HS6ST3: variants seen among roughly 807,000 people sequenced by gnomAD.
HS6ST3 encodes the protein heparan-sulfate 6-O-sulfotransferase 3.
Under a neutral mutation model 36.7 loss-of-function variants are expected in HS6ST3, and 12 were observed. The observed-to-expected ratio is 0.33, with a 90% CI of 0.21 to 0.53. The LOEUF (loss-of-function observed/expected upper bound fraction) is 0.53. Among genes scored for constraint, HS6ST3 ranks in the 20% least tolerant of loss-of-function variants. HS6ST3 has a pLI of 0.95. For missense variants in HS6ST3, 584 were observed against 640.9 expected, an observed-to-expected ratio of 0.91 and a Z score of 0.96; for synonymous variants, 240 against 257.5, an observed-to-expected ratio of 0.93 and a Z score of 0.65.
At chr13:96,508,234 G>C (rs1315095835) in intron 1 of HS6ST3, among the ~76,000 whole-genome samples, 1 of 151,904 alleles carries the variant, frequency 6.6e-6, no homozygotes, top group Non-Finnish European at 1.5e-5. Context: ...TAAATTAATA[G>C]ACTGCTGAAC....
intron 1 of HS6ST3, among the ~76,000 whole-genome samples, chr13:96,829,963 G>T (rs1398471465): frequency 2.6e-5 from 4 of 151,980 alleles, no homozygotes; most frequent in African/African-American, 7.3e-5. Flanking sequence ...ATTTATGAGG[G>T]CTTGGCTTGC....
rs116004504 is a variant in HS6ST3 at position 96,480,721 on chromosome 13, C to T, written c.708-351769C>T. Reference sequence around the variant, plus strand: ...ATCCCCACTTCTGTCTACCTTCTGCCGTCTTAGTGTTATGTTTCCCTTTAA... The same window carrying T: ...ATCCCCACTTCTGTCTACCTTCTGCTGTCTTAGTGTTATGTTTCCCTTTAA... On this transcript the variant is annotated intron_variant, in intron 1 of 1. Transcript: ENST00000376705. Among the ~76,000 whole-genome samples the T allele has an allele frequency of 6.1e-3, 934 of 152,186 alleles. 13 individuals are homozygous for T. The highest frequency in any genetic ancestry group is 0.021 in the African/African-American group (872 of 41,516).
intron 1 of HS6ST3, among the ~76,000 whole-genome samples, chr13:96,731,272 C>T (rs939283968): frequency 3.3e-5 from 5 of 152,134 alleles, no homozygotes; most frequent in African/African-American, 4.8e-5. Context: ...CTCGGGTAAC[C>T]ACCATTCAAC....
chr13:96,695,329 T>G (rs1235081295), intron 1 of HS6ST3, among the ~76,000 whole-genome samples: 1 of 152,238 alleles, frequency 6.6e-6, no homozygotes, highest in East Asian at 1.9e-4. Context: ...ATTGCCCTTC[T>G]GAATGTCTGA....
chr13:96,409,254 C>G (rs1271359636), intron 1 of HS6ST3, among the ~76,000 whole-genome samples: 5 of 152,214 alleles, frequency 3.3e-5, no homozygotes, highest in Non-Finnish European at 5.9e-5. Context: ...AAAATAGTAG[C>G]ATGCTACTCC....
At chr13:96,807,709 A>G (rs962412296) in intron 1 of HS6ST3, among the ~76,000 whole-genome samples, 1 of 152,124 alleles carries the variant, frequency 6.6e-6, no homozygotes, top group Admixed American at 6.5e-5. Flanking sequence ...AATGAAAAAT[A>G]CAAAAAATTA....
At chr13:96,439,627 A>G (rs770723503) in intron 1 of HS6ST3, among the ~76,000 whole-genome samples, 2 of 152,176 alleles carry the variant, frequency 1.3e-5, no homozygotes, top group Non-Finnish European at 2.9e-5. Context: ...TAAACTGTGA[A>G]TAATAAGAAT....
intron 1 of HS6ST3, among the ~76,000 whole-genome samples, chr13:96,653,957 AGTGATG>A (rs2056615976): frequency 6.6e-6 from 1 of 152,228 alleles, no homozygotes; most frequent in Non-Finnish European, 1.5e-5. Flanking sequence ...TCTAATGACC[AGTGATG>A]GTGAGCATTT....
intron 1 of HS6ST3, among the ~76,000 whole-genome samples, chr13:96,804,686 A>T (rs1347701466): frequency 2.0e-5 from 3 of 152,136 alleles, no homozygotes; most frequent in Admixed American, 2.0e-4. Flanking sequence ...TTCTGTGCCA[A>T]ATCAGAAGGA....
chr13:96,698,071 T>C (rs969931122), intron 1 of HS6ST3, among the ~76,000 whole-genome samples: 1 of 152,150 alleles, frequency 6.6e-6, no homozygotes, highest in Non-Finnish European at 1.5e-5. Context: ...AGTTTTTAAG[T>C]TTTAGGGTAC....
intron 1 of HS6ST3, among the ~76,000 whole-genome samples, chr13:96,416,781 CT>C (rs1197994188): frequency 7.2e-6 from 1 of 139,656 alleles, no homozygotes; most frequent in East Asian, 2.1e-4. Flanking sequence ...GAGACGGAGT[CT>C]CGCTCTGTTG....
chr13:96,814,461 TG>T (rs939732737), intron 1 of HS6ST3, among the ~76,000 whole-genome samples: 1 of 152,182 alleles, frequency 6.6e-6, no homozygotes, highest in African/African-American at 2.4e-5. Flanking sequence ...TGGAAGCATT[TG>T]GATCTTGTCT....
chr13:96,162,313 TGTGA>T (rs2054139451), intron 1 of HS6ST3, among the ~76,000 whole-genome samples: 1 of 152,222 alleles, frequency 6.6e-6, no homozygotes, highest in South Asian at 2.1e-4. Context: ...GAGCTGAATA[TGTGA>T]GACATTTGGA....
At chr13:96,102,097 T>C (rs1373769087) in intron 1 of HS6ST3, among the ~76,000 whole-genome samples, 1 of 152,218 alleles carries the variant, frequency 6.6e-6, no homozygotes, top group Admixed American at 6.5e-5. Context: ...GTATTTTTTT[T>C]TCCCCACACA....
chr13:96,336,401 G>A (rs995624455), intron 1 of HS6ST3, among the ~76,000 whole-genome samples: 1 of 152,236 alleles, frequency 6.6e-6, no homozygotes, highest in Admixed American at 6.5e-5. Flanking sequence ...ACACATTGGA[G>A]CCCCAACCCC....
At chr13:96,683,777 G>A (rs1473028314) in intron 1 of HS6ST3, among the ~76,000 whole-genome samples, 2 of 151,990 alleles carry the variant, frequency 1.3e-5, no homozygotes, top group East Asian at 3.9e-4. Context: ...TAGTCACATA[G>A]CATAATAGAA....
At chr13:96,693,511 C>T (rs1213192491) in intron 1 of HS6ST3, among the ~76,000 whole-genome samples, 3 of 152,126 alleles carry the variant, frequency 2.0e-5, no homozygotes, top group Non-Finnish European at 4.4e-5. Flanking sequence ...CCATGTTGGT[C>T]AGGCTGGTCT....
At chr13:96,508,366 C>T (rs531926667) in intron 1 of HS6ST3, among the ~76,000 whole-genome samples, 8 of 152,154 alleles carry the variant, frequency 5.3e-5, no homozygotes, top group South Asian at 2.1e-4. Context: ...TCCACAACCC[C>T]TGGCATAATT....
intron 1 of HS6ST3, among the ~76,000 whole-genome samples, chr13:96,709,809 A>G (rs1875517955): frequency 6.6e-6 from 1 of 152,198 alleles, no homozygotes; most frequent in South Asian, 2.1e-4. Context: ...ACAATCAGTA[A>G]ATGTCAAATA....
Sources: gnomAD v4.1 joint callset for allele counts (sites outside exome capture counted in the v4.1 genomes callset) on GRCh38, gnomAD v4.1.1 for gene constraint, MANE v1.5 for transcripts, NCBI Gene and HGNC (gene_info 2026-07-23, HGNC 2026-07-21) for gene names.